The following KLHL42 variants were observed in gnomAD, a reference collection of about 807,000 sequenced individuals.
KLHL42 encodes the protein kelch like family member 42.
KLHL42 carries 27 observed loss-of-function variants against 32.7 expected under a neutral mutation model. That is an observed-to-expected ratio of 0.83 (90% CI 0.61 to 1.14). The LOEUF (loss-of-function observed/expected upper bound fraction) is 1.14, where lower values mean the gene tolerates loss of function less well. Ranked by LOEUF, KLHL42 falls within the 50% of genes most tolerant of loss-of-function variation. KLHL42 has a pLI of 0.00. For synonymous variants in KLHL42, 267 were observed against 248.2 expected (o/e 1.08, Z -0.71); for missense variants, 491 against 560.8 (o/e 0.88, Z 1.26).
In KLHL42 at chr12:27,780,536, T is replaced by G. The variant is rs2062141821; in HGVS notation, c.206T>G (p.Ile69Ser). The G allele has an allele frequency of 6.5e-7, 1 of 1,534,132 alleles. No homozygotes were observed. Among genetic ancestry groups the G allele is most frequent in the Non-Finnish European group, 8.7e-7 (1 of 1,144,396 alleles). Residue 69 changes from isoleucine to serine, a missense_variant, in exon 1 of 3, where the codon ATC becomes AGC. This residue lies in a region of KLHL42 where 3 missense variants were observed against 16.6 expected (regional missense o/e 0.18). Transcript: ENST00000381271. The surrounding 1 kb of genome is among the most constrained non-coding windows in gnomAD (Gnocchi z 8.8). ...APGLRLVLDF[I>S]NAGGAREGWL... ...GGCCTGCGGCTGGTGCTGGACTTCA[T>G]CAACGCCGGCGGGGCCCGCGAAGGC...
rs955457204 is a variant in KLHL42, at chr12:27,802,206, A to G, written c.*4040A>G. On this transcript the variant is annotated 3_prime_UTR_variant, in exon 3 of 3. Coordinates refer to ENST00000381271, the MANE Select transcript of KLHL42 (RefSeq NM_020782.2). The stretch of plus-strand genomic sequence containing the variant: ...ATTTTTGTGAAAAAGTGAAAATCAC[A>G]TATAATCTTTATTTAAAAATGCTCA... The G allele has an allele frequency of 6.6e-6, 1 of 152,194 alleles. No individual in the cohort carries two copies. The highest frequency in any genetic ancestry group is 6.5e-5 in the Admixed American group (1 of 15,288). 9.4% of individuals were successfully genotyped at this position (152,194 alleles called of 1,614,324 possible).
In KLHL42 at chr12:27,798,226, C is replaced by G. The variant is rs890483348; in HGVS notation, c.*60C>G. 9.7e-6 allele frequency: 7 copies of G among 718,860 alleles called. No homozygotes were observed. Among genetic ancestry groups the G allele is most frequent in the East Asian group, 2.5e-5 (1 of 40,734 alleles). The allele number at this position is 718,860 out of a possible 1,614,324, so 44.5% of individuals were successfully genotyped here. A position where few individuals can be genotyped will look rare whatever the true frequency, so the allele number is the denominator to read the frequency against. ...CAAGTTTTTTTTAAAATGTGGTGTC[C>G]CATTCCAAGGGAGACCAATTCCTAA... is the stretch of plus-strand genomic sequence containing the variant. On this transcript the variant is annotated 3_prime_UTR_variant, in exon 3 of 3. Transcript: ENST00000381271.
At position 27,791,577 on chromosome 12, in the gene KLHL42, G is replaced by A. The variant is rs1256257924; in HGVS notation, c.873-131G>A. The A allele has an allele frequency of 4.0e-6, 3 of 757,738 alleles. No homozygotes were observed. In the African/African-American group the frequency reaches 5.2e-5, roughly 13 times the overall value. The allele number at this position is 757,738 out of a possible 1,614,324, so 46.9% of individuals were successfully genotyped here. On this transcript the variant is annotated intron_variant, in intron 1 of 2. Transcript: ENST00000381271. ...GCCATCCTTTCCTCCTCTGTCCTCAGGCGGAATGGCCCCCAACTGGGAGAG... is the reference window on the plus strand; with the variant it reads ...GCCATCCTTTCCTCCTCTGTCCTCAAGCGGAATGGCCCCCAACTGGGAGAG...
intron 2 of KLHL42, among the ~76,000 whole-genome samples, chr12:27,795,470 TG>T (rs1395077672): frequency 2.6e-5 from 4 of 152,138 alleles, no homozygotes; most frequent in Non-Finnish European, 4.4e-5. Flanking sequence ...GTGATGTGGA[TG>T]GATGGCTATT....
intron 1 of KLHL42, among the ~76,000 whole-genome samples, chr12:27,791,386 C>G (rs2062196427): frequency 6.6e-6 from 1 of 152,194 alleles, no homozygotes; most frequent in African/African-American, 2.4e-5. Flanking sequence ...GTGCCTGCCC[C>G]TGAAAGAAAG....
chr12:27,795,248 G>T (rs375246625), intron 2 of KLHL42, among the ~76,000 whole-genome samples: 2 of 152,200 alleles, frequency 1.3e-5, no homozygotes, highest in African/African-American at 4.8e-5. Flanking sequence ...CTGACAGGCG[G>T]CACTGTAACC....
At chr12:27,791,672 G>T in intron 1 of KLHL42, 36 bp from the exon 2 acceptor site, 1 of 1,541,984 alleles carries the variant, frequency 6.5e-7, no homozygotes, top group Non-Finnish European at 9.0e-7. Flanking sequence ...TTGATCAGAA[G>T]AACTAACTCT....
chr12:27,780,267 G>C lies in KLHL42; in HGVS notation c.-64G>C. The C allele has an allele frequency of 7.1e-7, 1 of 1,409,880 alleles. No individual in the cohort carries two copies. The highest frequency in any genetic ancestry group is 9.3e-7 in the Non-Finnish European group (1 of 1,080,278). 87.3% of individuals were successfully genotyped at this position (1,409,880 alleles called of 1,614,324 possible). ...CGCCCCGCCCGGAACCGGCGCGCGC[G>C]TAGGGGCTGGGAGGCCGGCGCGCAG... On this transcript the variant is annotated 5_prime_UTR_variant, in exon 1 of 3. Transcript: ENST00000381271. The surrounding 1 kb of genome is among the most constrained non-coding windows in gnomAD (Gnocchi z 8.8).
intron 2 of KLHL42, chr12:27,797,313 A>G (rs1165386517): frequency 2.2e-6 from 1 of 459,432 alleles, no homozygotes; most frequent in East Asian, 6.9e-5. Flanking sequence ...AGAATAATCT[A>G]CTTGCTGCCC....
rs546803258 is a variant in KLHL42, at chr12:27,782,688, C to G, written c.872+1486C>G. 2.6e-5 allele frequency among the ~76,000 whole-genome samples: 4 copies of G among 152,044 alleles called. No individual in the cohort carries two copies. In the East Asian group the frequency reaches 7.7e-4, roughly 29 times the overall value. ...CCAGGCCATCCTTAGTGCCACAGTT[C>G]CTCACACTTCTTTCTTCCCTTCATA... On this transcript the variant is annotated intron_variant, in intron 1 of 2. Transcript: ENST00000381271.
chr12:27,795,437 A>C (rs571146567), intron 2 of KLHL42, among the ~76,000 whole-genome samples: 1 of 152,182 alleles, frequency 6.6e-6, no homozygotes, highest in Non-Finnish European at 1.5e-5. Flanking sequence ...CCCTGAGCCA[A>C]ATACCCATGA....
chr12:27,780,496 G>A lies in KLHL42; in HGVS notation c.166G>A (p.Gly56Ser). 1 of 1,542,038 alleles carries A rather than the reference G, an allele frequency of 6.5e-7. No homozygotes were observed. Among genetic ancestry groups the A allele is most frequent in the South Asian group, 1.2e-5 (1 of 83,730 alleles). ...AGGPEVQQLR[G>S]LSAPGLRLVL... is the part of the protein sequence containing the mutation. ...CGGCCCGGAGGTGCAGCAGCTGCGC[G>A]GCCTCAGCGCGCCGGGCCTGCGGCT... The change falls in exon 1 of 3, where the codon GGC (glycine) becomes AGC (serine). Residue 56 changes from glycine to serine, a missense_variant. This residue lies in a region of KLHL42 where 88 missense variants were observed against 89.0 expected (regional missense o/e 0.99). Coordinates refer to ENST00000381271, the MANE Select transcript of KLHL42 (RefSeq NM_020782.2). This position sits in a 1 kb window ranked among gnomAD's most constrained non-coding sequence, Gnocchi z 8.8.
chr12:27,791,926 G>A (rs2062199084), intron 2 of KLHL42, 25 bp downstream of exon 2: 2 of 1,606,294 alleles, frequency 1.2e-6, no homozygotes, highest in Admixed American at 1.7e-5. Context: ...CAGGTAGGTG[G>A]TCTGCCCATG....
rs1445528326 is a variant in KLHL42 at position 27,802,187 on chromosome 12, G to A, written c.*4021G>A. ...TCAGTCTTCTCTGTACTTCATTTTT[G>A]TGAAAAAGTGAAAATCACATATAAT... On this transcript the variant is annotated 3_prime_UTR_variant, in exon 3 of 3. Coordinates refer to ENST00000381271, the MANE Select transcript of KLHL42 (RefSeq NM_020782.2). 3 of 151,538 alleles carry A rather than the reference G, an allele frequency of 2.0e-5. No individual in the cohort carries two copies. The highest frequency in any genetic ancestry group is 7.3e-5 in the African/African-American group (3 of 41,186). The allele number at this position is 151,538 out of a possible 1,614,324, so 9.4% of individuals were successfully genotyped here. A position where few individuals can be genotyped will look rare whatever the true frequency, so the allele number is the denominator to read the frequency against.
rs983251148 is a variant in KLHL42, at chr12:27,802,243, A to G, written c.*4077A>G. On this transcript the variant is annotated 3_prime_UTR_variant, in exon 3 of 3. Coordinates refer to ENST00000381271, the MANE Select transcript of KLHL42 (RefSeq NM_020782.2). Reference sequence around the variant, plus strand: ...TTTAAAAATGCTCACCAAGCACTGCAGACTTTGGAGTTAGGGATTCAGCAG... The same window carrying G: ...TTTAAAAATGCTCACCAAGCACTGCGGACTTTGGAGTTAGGGATTCAGCAG... The G allele has an allele frequency of 5.9e-5, 9 of 152,218 alleles. No homozygotes were observed. The highest frequency in any genetic ancestry group is 9.6e-5 in the African/African-American group (4 of 41,462). 9.4% of individuals were successfully genotyped at this position (152,218 alleles called of 1,614,324 possible). A position where few individuals can be genotyped will look rare whatever the true frequency, so the allele number is the denominator to read the frequency against.
At chr12:27,787,668 T>G (rs1196154228) in intron 1 of KLHL42, 1 of 152,230 alleles carries the variant, frequency 6.6e-6, no homozygotes, top group Non-Finnish European at 1.5e-5. Flanking sequence ...AAAATGGAGT[T>G]GGAGTGAGTC....
intron 2 of KLHL42, chr12:27,797,463 G>A (rs763222051): frequency 2.4e-5 from 13 of 548,606 alleles, no homozygotes; most frequent in Non-Finnish European, 3.7e-5. Context: ...AGTCAGAGCT[G>A]CGCTTTTTCC....
At chr12:27,786,480 A>G (rs755180288) in intron 1 of KLHL42, among the ~76,000 whole-genome samples, 19 of 152,220 alleles carry the variant, frequency 1.2e-4, no homozygotes, top group Non-Finnish European at 2.5e-4. Context: ...GAGGCATCCA[A>G]TACAGGTTAT....
chr12:27,795,613 T>C (rs1440706430), intron 2 of KLHL42, among the ~76,000 whole-genome samples: 1 of 131,802 alleles, frequency 7.6e-6, no homozygotes, highest in African/African-American at 2.9e-5. Flanking sequence ...AGATAAGTCA[T>C]CATGATTGTT....
Sources: gnomAD v4.1 joint callset for allele counts (sites outside exome capture counted in the v4.1 genomes callset) on GRCh38, gnomAD v4.1.1 for gene constraint, gnomAD v4.1.1 regional missense constraint, Gnocchi (gnomAD v3.1) non-coding constraint, MANE v1.5 for transcripts, NCBI Gene and HGNC (gene_info 2026-07-23, HGNC 2026-07-21) for gene names.